Variants in ZNF679 observed in about 807,000 individuals in gnomAD.
The protein encoded by ZNF679 is zinc finger protein 679.
In ZNF679, 10 loss-of-function variants were observed where a neutral mutation model predicts 13.4. The observed-to-expected ratio is 0.75, with a 90% CI of 0.46 to 1.27. The LOEUF (loss-of-function observed/expected upper bound fraction) is 1.27. Ranked by LOEUF, ZNF679 falls within the 50% of genes most tolerant of loss-of-function variation. The probability of loss-of-function intolerance (pLI) is 0.00; values close to 1 mark genes in which losing one functional copy is unlikely to be tolerated. For missense variants in ZNF679, 525 were observed against 477.8 expected (o/e 1.10, Z -0.92); for synonymous variants, 179 against 162.5 (o/e 1.10, Z -0.77).
chr7:64,237,881 A>G (rs73698365), intron 1 of ZNF679, among the ~76,000 whole-genome samples: 10,192 of 152,284 alleles, frequency 0.067, 387 homozygotes, highest in Non-Finnish European at 0.084. Context: ...GAAAATGCCA[A>G]TTGGAAAAAA....
At chr7:64,242,464 C>T (rs1340456854) in intron 1 of ZNF679, among the ~76,000 whole-genome samples, 1 of 152,176 alleles carries the variant, frequency 6.6e-6, no homozygotes, top group Non-Finnish European at 1.5e-5. Context: ...GTCAACATCT[C>T]TCCAATCTTT....
intron 1 of ZNF679, among the ~76,000 whole-genome samples, chr7:64,247,769 C>T (rs1414533749): frequency 1.3e-5 from 2 of 151,958 alleles, no homozygotes; most frequent in African/African-American, 2.4e-5. Context: ...CTAGGCTGAT[C>T]TCAAACTCCT....
intron 1 of ZNF679, among the ~76,000 whole-genome samples, chr7:64,236,923 AAG>A (rs1787724307): frequency 3.6e-4 from 2 of 5,542 alleles, no homozygotes; most frequent in South Asian, 3.1e-3. Context: ...AGAAAGAAAG[AAG>A]AAAGAAAGAA....
At chr7:64,252,320 T>C (rs1787953771) in intron 2 of ZNF679, among the ~76,000 whole-genome samples, 1 of 152,240 alleles carries the variant, frequency 6.6e-6, no homozygotes, top group African/African-American at 2.4e-5. Context: ...TAGTTAACTG[T>C]AAATTGCATT....
chr7:64,251,317 G>A (rs1787941870), intron 2 of ZNF679, among the ~76,000 whole-genome samples: 1 of 151,960 alleles, frequency 6.6e-6, no homozygotes, highest in Non-Finnish European at 1.5e-5. Context: ...AGCCAGGTGT[G>A]GTGGTGGGCG....
intron 4 of ZNF679, among the ~76,000 whole-genome samples, chr7:64,262,333 G>A (rs1788087898): frequency 6.6e-6 from 1 of 152,108 alleles, no homozygotes; most frequent in African/African-American, 2.4e-5. Flanking sequence ...TTGAAGTTTA[G>A]CCCAGTTAAA....
At chr7:64,254,999 CA>C (rs71060569) in intron 2 of ZNF679, among the ~76,000 whole-genome samples, 27,111 of 91,560 alleles carry the variant, frequency 0.3, 2,606 homozygotes, top group African/African-American at 0.33. Flanking sequence ...GACTCCATCT[CA>C]AAAAAAAAAA....
At chr7:64,243,603 G>A (rs1787828105) in intron 1 of ZNF679, among the ~76,000 whole-genome samples, 1 of 152,170 alleles carries the variant, frequency 6.6e-6, no homozygotes, top group African/African-American at 2.4e-5. Flanking sequence ...GGCAGAAAGG[G>A]AGAGTCATAT....
chr7:64,243,351 T>A (rs1787824803), intron 1 of ZNF679, among the ~76,000 whole-genome samples: 1 of 152,066 alleles, frequency 6.6e-6, no homozygotes, highest in African/African-American at 2.4e-5. Context: ...CAGCGATATG[T>A]CAATATTTTT....
At chr7:64,231,479 A>G (rs867798324) in intron 1 of ZNF679, among the ~76,000 whole-genome samples, 2 of 152,244 alleles carry the variant, frequency 1.3e-5, no homozygotes, top group African/African-American at 4.8e-5. Flanking sequence ...TGTAGGTGCT[A>G]GGCAAAGCAT....
At chr7:64,233,199 C>T (rs1355629008) in intron 1 of ZNF679, among the ~76,000 whole-genome samples, 1 of 150,860 alleles carries the variant, frequency 6.6e-6, no homozygotes, top group Non-Finnish European at 1.5e-5. Context: ...GATCGCCCCA[C>T]TGCCCCACTC....
At chr7:64,243,333 T>C (rs755522479) in intron 1 of ZNF679, among the ~76,000 whole-genome samples, 13 of 152,254 alleles carry the variant, frequency 8.5e-5, no homozygotes, top group Admixed American at 3.9e-4. Flanking sequence ...ATCAACTAGG[T>C]GCTGGGCCAG....
chr7:64,237,445 C>G (rs971623457), intron 1 of ZNF679, among the ~76,000 whole-genome samples: 9 of 152,106 alleles, frequency 5.9e-5, no homozygotes, highest in African/African-American at 1.7e-4. Context: ...CCCCTGAACC[C>G]GGATGAGACA....
chr7:64,240,293 C>T (rs796508442), intron 1 of ZNF679, among the ~76,000 whole-genome samples: 16 of 152,160 alleles, frequency 1.1e-4, no homozygotes, highest in African/African-American at 3.6e-4. Flanking sequence ...TGATATGACT[C>T]TTATGTCTGG....
At chr7:64,240,304 T>C (rs1787781390) in intron 1 of ZNF679, among the ~76,000 whole-genome samples, 1 of 152,132 alleles carries the variant, frequency 6.6e-6, no homozygotes, top group Non-Finnish European at 1.5e-5. Context: ...TTATGTCTGG[T>C]TCCTGCCCAC....
chr7:64,230,961 C>T (rs1490749129), intron 1 of ZNF679, among the ~76,000 whole-genome samples: 1 of 152,190 alleles, frequency 6.6e-6, no homozygotes, highest in Non-Finnish European at 1.5e-5. Context: ...TTTTGACTGT[C>T]TCTGAGCAGA....
chr7:64,258,162 C>G (rs1788027871), intron 2 of ZNF679, among the ~76,000 whole-genome samples: 1 of 151,504 alleles, frequency 6.6e-6, no homozygotes, highest in Non-Finnish European at 1.5e-5. Flanking sequence ...TATGGAGAAG[C>G]TCGTTGTTCT....
At chr7:64,259,979 T>C (rs1263287040) in intron 2 of ZNF679, among the ~76,000 whole-genome samples, 2 of 152,072 alleles carry the variant, frequency 1.3e-5, no homozygotes, top group African/African-American at 4.8e-5. Context: ...CATGTGCATA[T>C]TGATGCCCTT....
chr7:64,256,966 G>C (rs917072184), intron 2 of ZNF679, among the ~76,000 whole-genome samples: 1 of 152,118 alleles, frequency 6.6e-6, no homozygotes, highest in Admixed American at 6.5e-5. Context: ...AAAGTGCTGG[G>C]ATTATAGTCG....
Sources: allele counts gnomAD v4.1 joint callset (sites outside exome capture counted in the v4.1 genomes callset), GRCh38; gene constraint gnomAD v4.1.1; transcripts MANE v1.5; gene names NCBI Gene and HGNC (gene_info 2026-07-23, HGNC 2026-07-21).